The following NCK1 variants were observed in gnomAD, a reference collection of about 807,000 sequenced individuals.
The protein encoded by NCK1 is SH2/SH3 adapter protein NCK1.
Under a neutral mutation model 36.6 loss-of-function variants are expected in NCK1, and 19 were observed. The ratio of observed to expected loss-of-function variants is 0.52; its 90% CI spans 0.36 to 0.76. NCK1 has a LOEUF of 0.76. Ranked by LOEUF, NCK1 falls within the 30% of genes least tolerant of loss-of-function variation. NCK1 has a pLI of 0.00. For missense variants in NCK1, 358 were observed against 445.6 expected (o/e 0.80, Z 1.77); for synonymous variants, 165 against 156.0 (o/e 1.06, Z -0.43).
intron 1 of NCK1, among the ~76,000 whole-genome samples, chr3:136,901,552 T>G (rs1240455807): frequency 6.6e-6 from 1 of 152,134 alleles, no homozygotes; most frequent in Non-Finnish European, 1.5e-5. Flanking sequence ...TTAAATGTCT[T>G]TACTCATTAT....
intron 2 of NCK1, among the ~76,000 whole-genome samples, chr3:136,941,901 C>T (rs1015622511): frequency 8.5e-5 from 13 of 152,052 alleles, no homozygotes; most frequent in African/African-American, 1.9e-4. Context: ...TACAGTGGTG[C>T]GGTCTTGGCT....
chr3:136,934,672 C>G (rs1039345818), intron 2 of NCK1, among the ~76,000 whole-genome samples: 5 of 152,166 alleles, frequency 3.3e-5, no homozygotes, highest in Non-Finnish European at 7.3e-5. Flanking sequence ...CCACCCTTCC[C>G]CTTCAAGGGG....
At chr3:136,925,853 G>A (rs1416945226) in intron 1 of NCK1, among the ~76,000 whole-genome samples, 1 of 152,162 alleles carries the variant, frequency 6.6e-6, no homozygotes, top group South Asian at 2.1e-4. Flanking sequence ...AATACCCAGG[G>A]GTGCAGTTGC....
chr3:136,885,295 A>G (rs986713498), intron 1 of NCK1, among the ~76,000 whole-genome samples: 14 of 152,202 alleles, frequency 9.2e-5, no homozygotes, highest in Non-Finnish European at 1.6e-4. Context: ...GAAATTTTAC[A>G]TAATAGAAAT....
At chr3:136,898,393 A>C (rs1259783176) in intron 1 of NCK1, among the ~76,000 whole-genome samples, 1 of 151,964 alleles carries the variant, frequency 6.6e-6, no homozygotes, top group Non-Finnish European at 1.5e-5. Flanking sequence ...CTCAAAAAAA[A>C]AAAAAAAAAA....
At chr3:136,946,372 TA>T in intron 3 of NCK1, 77 bp downstream of exon 3, 1 of 1,294,546 alleles carries the variant, frequency 7.7e-7, no homozygotes, top group Non-Finnish European at 1.1e-6. Flanking sequence ...ATGGAGAGGT[TA>T]AGTGGCTTCC....
At chr3:136,920,627 C>T (rs1940082026) in intron 1 of NCK1, among the ~76,000 whole-genome samples, 1 of 152,132 alleles carries the variant, frequency 6.6e-6, no homozygotes, top group Non-Finnish European at 1.5e-5. Flanking sequence ...CTATAATAAA[C>T]TGATCCAAGA....
At chr3:136,891,723 TTAA>T (rs1303115522) in intron 1 of NCK1, among the ~76,000 whole-genome samples, 1 of 152,244 alleles carries the variant, frequency 6.6e-6, no homozygotes, top group Non-Finnish European at 1.5e-5. Flanking sequence ...CATCATTTTT[TTAA>T]TAATAACCAT....
At chr3:136,866,712 C>A (rs960581281) in intron 1 of NCK1, among the ~76,000 whole-genome samples, 3 of 151,664 alleles carry the variant, frequency 2.0e-5, no homozygotes, top group Non-Finnish European at 4.4e-5. Context: ...CTCCTTGGTT[C>A]AAGTGATTCT....
intron 1 of NCK1, among the ~76,000 whole-genome samples, chr3:136,875,630 C>T (rs1336751179): frequency 6.6e-6 from 1 of 151,774 alleles, no homozygotes; most frequent in Non-Finnish European, 1.5e-5. Flanking sequence ...GCACCCAATA[C>T]AGGAGCACCC....
At chr3:136,884,335 A>C (rs1413299678) in intron 1 of NCK1, among the ~76,000 whole-genome samples, 1 of 152,232 alleles carries the variant, frequency 6.6e-6, no homozygotes, top group Non-Finnish European at 1.5e-5. Context: ...AAGTTCTGAA[A>C]TGTTACCTTT....
chr3:136,873,121 C>T, intron 1 of NCK1, among the ~76,000 whole-genome samples: 1 of 152,124 alleles, frequency 6.6e-6, no homozygotes, highest in African/African-American at 2.4e-5. Flanking sequence ...CAGCTTGCAC[C>T]ATGCGCCTGG....
chr3:136,909,989 G>A (rs1271941958), intron 1 of NCK1, among the ~76,000 whole-genome samples: 2 of 151,982 alleles, frequency 1.3e-5, no homozygotes, highest in Non-Finnish European at 2.9e-5. Flanking sequence ...AGTCTCTTAC[G>A]GATAGCATAT....
At chr3:136,885,444 A>G (rs750940005) in intron 1 of NCK1, among the ~76,000 whole-genome samples, 8 of 152,112 alleles carry the variant, frequency 5.3e-5, no homozygotes, top group Admixed American at 1.3e-4. Context: ...AGCTGGAACT[A>G]TAGGTGCATG....
intron 1 of NCK1, among the ~76,000 whole-genome samples, chr3:136,892,982 T>C (rs1939289031): frequency 6.6e-6 from 1 of 151,772 alleles, no homozygotes; most frequent in African/African-American, 2.4e-5. Flanking sequence ...ATCATTCATA[T>C]GCTTTTGCGT....
chr3:136,870,194 T>C (rs1201297441), intron 1 of NCK1, among the ~76,000 whole-genome samples: 1 of 151,960 alleles, frequency 6.6e-6, no homozygotes. Context: ...ATACAAAATT[T>C]AGCTGGGCGT....
chr3:136,895,561 T>A (rs1939372257), intron 1 of NCK1, among the ~76,000 whole-genome samples: 1 of 152,122 alleles, frequency 6.6e-6, no homozygotes, highest in Non-Finnish European at 1.5e-5. Context: ...GTTTTTATTT[T>A]ATTTTATATT....
At chr3:136,874,707 T>C (rs561282651) in intron 1 of NCK1, among the ~76,000 whole-genome samples, 2 of 152,260 alleles carry the variant, frequency 1.3e-5, no homozygotes, top group South Asian at 2.1e-4. Context: ...ATGAATCATA[T>C]AGTGTTTTTG....
At chr3:136,914,027 GCTT>G (rs1195788294) in intron 1 of NCK1, among the ~76,000 whole-genome samples, 1 of 152,122 alleles carries the variant, frequency 6.6e-6, no homozygotes, top group Non-Finnish European at 1.5e-5. Flanking sequence ...TTAATGTCTG[GCTT>G]CCAAAAAGGG....
Sources: gnomAD v4.1 joint callset for allele counts (sites outside exome capture counted in the v4.1 genomes callset) on GRCh38, gnomAD v4.1.1 for gene constraint, MANE v1.5 for transcripts, NCBI Gene and HGNC (gene_info 2026-07-23, HGNC 2026-07-21) for gene names.